NELL1: variants seen among roughly 807,000 people sequenced by gnomAD.
The protein encoded by NELL1 is neural EGFL like 1, also known as protein kinase C-binding protein NELL1.
NELL1 carries 76 observed loss-of-function variants against 107.4 expected under a neutral mutation model. That is an observed-to-expected ratio of 0.71 (90% CI 0.59 to 0.86). NELL1 has a LOEUF of 0.86. NELL1 is among the 40% of genes least tolerant of loss of function. The pLI, the probability that NELL1 is intolerant of heterozygous loss-of-function variation, is 0.00. For missense variants in NELL1, 1,024 were observed against 1,005.5 expected (o/e 1.02, Z -0.25); for synonymous variants, 353 against 341.2 (o/e 1.03, Z -0.38).
At chr11:21,114,413 AT>A (rs1470439114) in intron 13 of NELL1, among the ~76,000 whole-genome samples, 2 of 152,034 alleles carry the variant, frequency 1.3e-5, no homozygotes, top group Admixed American at 1.3e-4. Context: ...TCTGTAAGTT[AT>A]AAGAAAAGGG....
At chr11:21,466,333 G>A (rs7116761) in intron 15 of NELL1, among the ~76,000 whole-genome samples, 1 of 152,024 alleles carries the variant, frequency 6.6e-6, no homozygotes, top group African/African-American at 2.4e-5. Flanking sequence ...CATACAGGTC[G>A]AGTGGGCATC....
chr11:21,120,623 T>G (rs1855346057), intron 13 of NELL1, among the ~76,000 whole-genome samples: 1 of 152,134 alleles, frequency 6.6e-6, no homozygotes, highest in African/African-American at 2.4e-5. Flanking sequence ...GTGATACATT[T>G]ATAAGAATGA....
At chr11:20,757,657 A>T (rs1405905009) in intron 2 of NELL1, among the ~76,000 whole-genome samples, 2 of 152,120 alleles carry the variant, frequency 1.3e-5, no homozygotes, top group African/African-American at 4.8e-5. Context: ...TTCCTCTGGA[A>T]TTCCACCGTC....
intron 13 of NELL1, among the ~76,000 whole-genome samples, chr11:21,199,191 T>A (rs1335373697): frequency 6.6e-6 from 1 of 152,142 alleles, no homozygotes; most frequent in Non-Finnish European, 1.5e-5. Context: ...TTCCTCTTCA[T>A]TTATGGAAGG....
At position 21,186,213 on chromosome 11, in the gene NELL1, CCCA is replaced by C. The variant is rs1856932218; in HGVS notation, c.1427-43118_1427-43116del. On this transcript the variant is annotated intron_variant, in intron 13 of 19. Coordinates refer to ENST00000357134, the MANE Select transcript of NELL1 (RefSeq NM_006157.5). ...TTACTGGACATGTTAAAAGAAGGGC[CCCA>C]TTCACTGAGACCCTGTAGTAGGAGG... is the stretch of plus-strand genomic sequence containing the variant. 2.0e-5 allele frequency among the ~76,000 whole-genome samples: 3 copies of C among 151,706 alleles called. No individual in the cohort carries two copies. In the East Asian group the frequency reaches 5.8e-4, roughly 29 times the overall value.
At chr11:21,135,156 C>T (rs1186951602) in intron 13 of NELL1, among the ~76,000 whole-genome samples, 1 of 152,140 alleles carries the variant, frequency 6.6e-6, no homozygotes, top group Non-Finnish European at 1.5e-5. Flanking sequence ...ACTGCTTTCT[C>T]TTAAACTCAC....
chr11:20,740,163 CT>C (rs1415403974), intron 2 of NELL1, among the ~76,000 whole-genome samples: 3 of 152,178 alleles, frequency 2.0e-5, no homozygotes, highest in Non-Finnish European at 4.4e-5. Flanking sequence ...TAACAACCCC[CT>C]GAGATGTACA....
intron 14 of NELL1, among the ~76,000 whole-genome samples, chr11:21,243,957 A>C (rs1858427543): frequency 6.6e-6 from 1 of 152,064 alleles, no homozygotes; most frequent in Non-Finnish European, 1.5e-5. Context: ...TTTTTTTGTT[A>C]TGTTGAGCAG....
At chr11:20,719,322 C>T (rs753501420) in intron 2 of NELL1, among the ~76,000 whole-genome samples, 5 of 152,126 alleles carry the variant, frequency 3.3e-5, no homozygotes, top group African/African-American at 4.8e-5. Context: ...GATTCTCTTG[C>T]TTCAGGTATT....
chr11:21,549,595 G>C (rs1318513680), intron 16 of NELL1, among the ~76,000 whole-genome samples: 2 of 151,774 alleles, frequency 1.3e-5, no homozygotes, highest in African/African-American at 4.8e-5. Flanking sequence ...TTTATAAAGA[G>C]ACTCTCAGTG....
At position 21,297,826 on chromosome 11, in the gene NELL1, C is replaced by G. The variant is rs148646639; in HGVS notation, c.1549+68372C>G. Among the ~76,000 whole-genome samples, 369 of 151,912 alleles carry G rather than the reference C, an allele frequency of 2.4e-3. 1 individual carries two copies. The highest frequency in any genetic ancestry group is 8.7e-3 in the African/African-American group (360 of 41,460). On this transcript the variant is annotated intron_variant, in intron 14 of 19. Transcript: ENST00000357134. ...GAGGACAGAGGCGGGGAAGGGAAAT[C>G]ATAGTAACCTCTCCAGAGTAACTCC... is the stretch of plus-strand genomic sequence containing the variant.
rs146647027 is a variant in NELL1, at chr11:21,377,081, G to A, written c.1645+6133G>A. On this transcript the variant is annotated intron_variant, in intron 15 of 19. Coordinates refer to ENST00000357134, the MANE Select transcript of NELL1 (RefSeq NM_006157.5). ...CTCTGGTTAGCACCTCCAATACTATGTTGAATAGGAGTGGTGAGAGTGAAT... is the reference window on the plus strand; with the variant it reads ...CTCTGGTTAGCACCTCCAATACTATATTGAATAGGAGTGGTGAGAGTGAAT... Among the ~76,000 whole-genome samples the A allele has an allele frequency of 8.0e-4, 121 of 152,190 alleles. 4 individuals are homozygous for A. Among genetic ancestry groups the A allele is most frequent in the Non-Finnish European group, 2.5e-4 (17 of 67,974 alleles).
At chr11:21,566,552 G>A (rs1462464224) in intron 17 of NELL1, among the ~76,000 whole-genome samples, 1 of 151,816 alleles carries the variant, frequency 6.6e-6, no homozygotes, top group Non-Finnish European at 1.5e-5. Flanking sequence ...CATTGAACTT[G>A]CAGTATAAAA....
At chr11:20,941,421 T>C (rs952007015) in intron 10 of NELL1, among the ~76,000 whole-genome samples, 1 of 152,240 alleles carries the variant, frequency 6.6e-6, no homozygotes, top group African/African-American at 2.4e-5. Context: ...CCTGAAATTT[T>C]ACCTAGCTGT....
intron 19 of NELL1, among the ~76,000 whole-genome samples, chr11:21,574,111 A>G (rs1857167724): frequency 6.6e-6 from 1 of 151,830 alleles, no homozygotes; most frequent in Non-Finnish European, 1.5e-5. Flanking sequence ...TTAGTGTCAA[A>G]TATCTGCCAA....
At chr11:21,571,021 C>A in intron 18 of NELL1, 81 bp downstream of exon 18, 1 of 1,360,334 alleles carries the variant, frequency 7.4e-7, no homozygotes, top group Non-Finnish European at 1.0e-6. Flanking sequence ...GACCTAGTTC[C>A]CAGTTTTTCA....
intron 15 of NELL1, among the ~76,000 whole-genome samples, chr11:21,447,763 C>T (rs1168327040): frequency 6.6e-6 from 1 of 152,062 alleles, no homozygotes. Context: ...AGGTTGCATA[C>T]CCCCCAAGTC....
chr11:21,443,766 C>G (rs184734450), intron 15 of NELL1, among the ~76,000 whole-genome samples: 79 of 151,736 alleles, frequency 5.2e-4, no homozygotes, highest in African/African-American at 1.8e-3. Flanking sequence ...AGGAGAATTA[C>G]TTGAACCCAG....
chr11:21,203,931 A>G (rs1006804049), intron 13 of NELL1, among the ~76,000 whole-genome samples: 5 of 152,166 alleles, frequency 3.3e-5, no homozygotes, highest in Non-Finnish European at 7.3e-5. Flanking sequence ...AATGTTGAAT[A>G]TTGGCCCCCA....
Sources: allele counts gnomAD v4.1 joint callset (sites outside exome capture counted in the v4.1 genomes callset), GRCh38; gene constraint gnomAD v4.1.1; transcripts MANE v1.5; gene names NCBI Gene and HGNC (gene_info 2026-07-23, HGNC 2026-07-21).